KLHDC4: variants seen among roughly 807,000 people sequenced by gnomAD.
The protein encoded by KLHDC4 is kelch domain containing 4.
A neutral mutation model predicts 62.4 loss-of-function variants in KLHDC4; 90 were observed. The ratio of observed to expected loss-of-function variants is 1.44; its 90% CI spans 1.22 to 1.72. The LOEUF (loss-of-function observed/expected upper bound fraction) is 1.72. KLHDC4 is among the 40% of genes most tolerant of loss of function. The pLI is 0.00. For missense variants in KLHDC4, 1,025 were observed against 699.7 expected (o/e 1.47, Z -5.25); for synonymous variants, 386 against 284.4 (o/e 1.36, Z -3.59).
chr16:87,740,291 T>C (rs969870397), intron 5 of KLHDC4, among the ~76,000 whole-genome samples: 17 of 152,190 alleles, frequency 1.1e-4, no homozygotes, highest in Admixed American at 3.3e-4. Flanking sequence ...ACCCGACATG[T>C]GTGCATCCCG....
chr16:87,738,073 G>C (rs1377619778), intron 5 of KLHDC4, among the ~76,000 whole-genome samples: 1 of 152,196 alleles, frequency 6.6e-6, no homozygotes. Context: ...GAGTCAGAGA[G>C]CTTCAGACCA....
At chr16:87,718,837 G>C (rs966794647) in intron 7 of KLHDC4, among the ~76,000 whole-genome samples, 19 of 150,150 alleles carry the variant, frequency 1.3e-4, no homozygotes, top group Non-Finnish European at 2.5e-4. Context: ...CTGCCCCGCC[G>C]CCCCGTCTGG....
In KLHDC4 at chr16:87,756,599, G is replaced by C. The variant is rs17782026; in HGVS notation, c.192-122C>G. On this transcript the variant is annotated intron_variant, in intron 2 of 11. Coordinates refer to ENST00000270583, the MANE Select transcript of KLHDC4 (RefSeq NM_017566.4). The stretch of plus-strand genomic sequence containing the variant: ...GCTGCCTCTACACTTCCTGAAAGGA[G>C]AGCCTGGCATCGAGAAAGGAAGCAA... 2,755 of 690,372 alleles carry C rather than the reference G, an allele frequency of 4.0e-3. 97 individuals are homozygous for C. In the East Asian group the frequency reaches 0.069, roughly 17 times the overall value. 42.8% of individuals were successfully genotyped at this position (690,372 alleles called of 1,614,324 possible). A position where few individuals can be genotyped will look rare whatever the true frequency, so the allele number is the denominator to read the frequency against.
At chr16:87,701,463 G>A (rs1277984585) in exon 1 of KLHDC4, 7 of 347,720 alleles carry the variant, frequency 2.0e-5, no homozygotes, top group African/African-American at 6.4e-5. Context: ...CTGTGAATGC[G>A]GCCACAGCGT....
At chr16:87,733,913 C>G (rs1427645601) in intron 5 of KLHDC4, among the ~76,000 whole-genome samples, 2 of 152,274 alleles carry the variant, frequency 1.3e-5, no homozygotes, top group Admixed American at 1.3e-4. Context: ...AGGATGGTTA[C>G]AGCTTCAATC....
At chr16:87,739,287 CCTCATCCATCCACACACCA>C in intron 5 of KLHDC4, among the ~76,000 whole-genome samples, 1 of 88,416 alleles carries the variant, frequency 1.1e-5, no homozygotes, top group Non-Finnish European at 2.3e-5. Flanking sequence ...CACACCAGCA[CCTCATCCATCCACACACCA>C]GCACCTCATC....
intron 7 of KLHDC4, among the ~76,000 whole-genome samples, chr16:87,722,686 A>C (rs1181453198): frequency 6.6e-6 from 1 of 152,230 alleles, no homozygotes; most frequent in Non-Finnish European, 1.5e-5. Flanking sequence ...GGGGATGGAA[A>C]CTGGGGCCGC....
In KLHDC4 at chr16:87,711,415, A is replaced by G. The variant is rs555710156; in HGVS notation, c.864T>C (p.Pro288=). The change falls in exon 9 of 12, where the codon CCT becomes CCC. Residue 288 remains proline, a synonymous_variant. Coordinates refer to ENST00000270583, the MANE Select transcript of KLHDC4 (RefSeq NM_017566.4). ...EDKWVWTRMN[P]SGVKPTPRSG... ...ACCGTGGGGTGGGCTTGACCCCCGA[A>G]GGGTTCATCCGAGTCCAAACCCACT... The G allele has an allele frequency of 8.4e-5, 136 of 1,612,822 alleles. No homozygotes were observed. In the South Asian group the frequency reaches 1.2e-3, roughly 14 times the overall value.
intron 5 of KLHDC4, chr16:87,743,147 C>G (rs1328422879): frequency 6.6e-6 from 1 of 152,180 alleles, no homozygotes; most frequent in Non-Finnish European, 1.5e-5. Flanking sequence ...CACTTGTGGC[C>G]CAGGTTGCAG....
intron 5 of KLHDC4, among the ~76,000 whole-genome samples, chr16:87,742,157 G>T (rs748460506): frequency 1.3e-5 from 2 of 151,856 alleles, no homozygotes; most frequent in South Asian, 4.1e-4. Context: ...GCCACATAGT[G>T]TGTGAACCCC....
chr16:87,726,792 G>C lies in KLHDC4; in HGVS notation c.732C>G (p.Ile244Met), dbSNP rs754335267. 1 of 1,594,372 alleles carries C rather than the reference G, an allele frequency of 6.3e-7. No individual in the cohort carries two copies. Among genetic ancestry groups the C allele is most frequent in the Non-Finnish European group, 8.5e-7 (1 of 1,172,306 alleles). ...GTTTCGAGTAGCCCCCATAGACGACGATGCCGCCCTGGGGAGTGACGGACA... is the reference window on the plus strand; with the variant it reads ...GTTTCGAGTAGCCCCCATAGACGACCATGCCGCCCTGGGGAGTGACGGACA... ...CQMSVTPQGG[I>M]VVYGGYSKQR... The change falls in exon 7 of 12, where the codon ATC (isoleucine) becomes ATG (methionine). Residue 244 changes from isoleucine to methionine, a missense_variant. Ile to Met is a conservative substitution (Grantham distance 10). Transcript: ENST00000270583.
rs1053183629 is a variant in KLHDC4 at position 87,762,879 on chromosome 16, C to T, written c.100-839G>A. On this transcript the variant is annotated intron_variant, in intron 1 of 11. Transcript: ENST00000270583. The stretch of plus-strand genomic sequence containing the variant: ...TCCTGCTTGCAACTACACACACCTG[C>T]AGACCATCTTCCCTCCCCCACACCC... Among the ~76,000 whole-genome samples, 6 of 152,224 alleles carry T rather than the reference C, an allele frequency of 3.9e-5. No individual in the cohort carries two copies. In the South Asian group the frequency reaches 6.2e-4, roughly 16 times the overall value.
chr16:87,764,942 G>A, intron 1 of KLHDC4: 1 of 357,626 alleles, frequency 2.8e-6, no homozygotes, highest in Non-Finnish European at 5.5e-6. Context: ...GAAGAAAAGG[G>A]ACAAAGGACT....
intron 7 of KLHDC4, among the ~76,000 whole-genome samples, chr16:87,722,963 G>T (rs1478487441): frequency 6.6e-6 from 1 of 152,240 alleles, no homozygotes; most frequent in Non-Finnish European, 1.5e-5. Context: ...GCGTGGGAGA[G>T]AGGCGTGTGC....
intron 5 of KLHDC4, chr16:87,740,971 G>C (rs186173288): frequency 6.6e-6 from 1 of 152,190 alleles, no homozygotes; most frequent in Non-Finnish European, 1.5e-5. Context: ...AGCTGCTAGC[G>C]CTGGCCACAC....
intron 5 of KLHDC4, among the ~76,000 whole-genome samples, chr16:87,746,606 G>C (rs1257079727): frequency 6.6e-6 from 1 of 152,110 alleles, no homozygotes; most frequent in South Asian, 2.1e-4. Flanking sequence ...CCCCACACAG[G>C]TCTCCCTTGC....
chr16:87,714,290 G>T (rs780907341), intron 8 of KLHDC4: 11 of 713,804 alleles, frequency 1.5e-5, no homozygotes, highest in Non-Finnish European at 1.9e-5. Context: ...CATCATCAAT[G>T]CCCCCAAAGG....
At chr16:87,738,283 T>C (rs139731207) in intron 5 of KLHDC4, among the ~76,000 whole-genome samples, 40 of 152,058 alleles carry the variant, frequency 2.6e-4, no homozygotes, top group Middle Eastern at 6.8e-3. Flanking sequence ...GATGCAGCTT[T>C]AGCTGAGGAC....
chr16:87,758,080 G>A (rs2045272256), intron 2 of KLHDC4, among the ~76,000 whole-genome samples: 1 of 152,174 alleles, frequency 6.6e-6, no homozygotes, highest in Admixed American at 6.6e-5. Context: ...AGGTTTCAAG[G>A]TCAAGTGAGT....
Sources: allele counts gnomAD v4.1 joint callset (sites outside exome capture counted in the v4.1 genomes callset), GRCh38; gene constraint gnomAD v4.1.1; transcripts MANE v1.5; gene names NCBI Gene and HGNC (gene_info 2026-07-23, HGNC 2026-07-21).